AHRR: variants seen among roughly 807,000 people sequenced by gnomAD.
AHRR encodes ahR repressor.
AHRR carries 28 observed loss-of-function variants against 44.0 expected under a neutral mutation model. The ratio of observed to expected loss-of-function variants is 0.64; its 90% confidence interval spans 0.47 to 0.87. AHRR has a LOEUF of 0.87. Ranked by LOEUF, AHRR falls within the 40% of genes least tolerant of loss-of-function variation. The pLI, the probability that AHRR is intolerant of heterozygous loss-of-function variation, is 0.00. For missense variants in AHRR, 990 were observed against 953.9 expected (o/e 1.04, Z -0.50); for synonymous variants, 434 against 407.0 (o/e 1.07, Z -0.80).
intron 3 of AHRR, among the ~76,000 whole-genome samples, chr5:369,778 T>C (rs903998392): frequency 9.2e-5 from 14 of 152,230 alleles, no homozygotes; most frequent in Admixed American, 2.6e-4. Context: ...CAAATACCAT[T>C]TGTGGCCATC....
At position 437,406 on chromosome 5, in the gene AHRR, G is replaced by C. The variant is rs1028053249; in HGVS notation, c.*2572G>C. 13 of 152,492 alleles carry C rather than the reference G, an allele frequency of 8.5e-5. No homozygotes were observed. Among genetic ancestry groups the C allele is most frequent in the Admixed American group, 6.5e-4 (10 of 15,310 alleles). The allele number at this position is 152,492 out of a possible 1,614,324, so 9.4% of individuals were successfully genotyped here. ...GGAGGGCAGGGAGCTCAGTGACTGA[G>C]AGTCTTGTGTATCACATGTCTTGAG... On this transcript the variant is annotated 3_prime_UTR_variant, in exon 11 of 11. Transcript: ENST00000684583.
intron 7 of AHRR, 61 bp from the exon 8 acceptor site, chr5:427,746 T>C: frequency 1.2e-6 from 2 of 1,612,254 alleles, no homozygotes; most frequent in Non-Finnish European, 1.7e-6. Flanking sequence ...TTCTGTGTCC[T>C]GTGACCACCT....
chr5:392,798 C>T (rs1734528444), intron 4 of AHRR, among the ~76,000 whole-genome samples: 1 of 152,140 alleles, frequency 6.6e-6, no homozygotes, highest in African/African-American at 2.4e-5. Flanking sequence ...TTCATCAGGC[C>T]TTACCGCGAC....
In AHRR at chr5:421,987, C is replaced by T. The variant is rs190672505; in HGVS notation, c.442-742C>T. 1.3e-3 allele frequency among the ~76,000 whole-genome samples: 192 copies of T among 152,290 alleles called. 12 individuals are homozygous for T. The East Asian group carries it at 0.019, about 15-fold the overall frequency. Reference sequence around the variant, plus strand: ...CCTAAGGTTCTAGCAGTCCCTGGCACGGTTAATTATTCGGGGCTGGCGGGT... The same window carrying T: ...CCTAAGGTTCTAGCAGTCCCTGGCATGGTTAATTATTCGGGGCTGGCGGGT... On this transcript the variant is annotated intron_variant, in intron 5 of 10. Transcript: ENST00000684583.
chr5:375,159 GCTGGAGA>G (rs994918377), intron 3 of AHRR, among the ~76,000 whole-genome samples: 5 of 152,370 alleles, frequency 3.3e-5, no homozygotes, highest in East Asian at 1.9e-4. Flanking sequence ...TGCCCCTGGG[GCTGGAGA>G]CTGGGAGTCC....
At chr5:401,860 CAGGT>C (rs368302387) in intron 4 of AHRR, among the ~76,000 whole-genome samples, 3 of 152,300 alleles carry the variant, frequency 2.0e-5, no homozygotes, top group East Asian at 1.9e-4. Flanking sequence ...CCTCCGTTGA[CAGGT>C]GGGTGGGTTA....
In AHRR at chr5:395,280, A is replaced by G. The variant is rs1301720152; in HGVS notation, c.352-18064A>G. ...TGACACTGGTGCGGAATGCAGACAGAGGGGGCCTGGGAGACACGAGCCCCG... is the reference window on the plus strand; with the variant it reads ...TGACACTGGTGCGGAATGCAGACAGGGGGGGCCTGGGAGACACGAGCCCCG... On this transcript the variant is annotated intron_variant, in intron 4 of 10. Transcript: ENST00000684583. The surrounding 1 kb of genome is among the most constrained non-coding windows in gnomAD (Gnocchi z 5.3). Among the ~76,000 whole-genome samples, 1 of 152,146 alleles carries G rather than the reference A, an allele frequency of 6.6e-6. No individual in the cohort carries two copies. Among genetic ancestry groups the G allele is most frequent in the Admixed American group, 6.5e-5 (1 of 15,276 alleles).
At chr5:343,808 A>T in intron 1 of AHRR, 85 bp from the exon 2 acceptor site, 1 of 1,421,634 alleles carries the variant, frequency 7.0e-7, no homozygotes, top group Non-Finnish European at 9.5e-7. Context: ...GGGCGCCAGG[A>T]CCGCGCTGAG....
chr5:377,568 C>T (rs1210817795), intron 4 of AHRR, among the ~76,000 whole-genome samples: 1 of 152,220 alleles, frequency 6.6e-6, no homozygotes, highest in African/African-American at 2.4e-5. Flanking sequence ...TGGTGGCAGG[C>T]TGCCCCACAG....
At chr5:430,154 T>C (rs1736658201) in intron 8 of AHRR, among the ~76,000 whole-genome samples, 1 of 152,260 alleles carries the variant, frequency 6.6e-6, no homozygotes, top group African/African-American at 2.4e-5. Context: ...GGTCCGACTT[T>C]GAATTCTAGC....
intron 5 of AHRR, among the ~76,000 whole-genome samples, chr5:421,618 C>T (rs1050233417): frequency 6.6e-6 from 1 of 152,190 alleles, no homozygotes; most frequent in African/African-American, 2.4e-5. Context: ...GGGATGCTGG[C>T]GCCGCCCTTT....
At chr5:392,877 T>A (rs888958309) in intron 4 of AHRR, among the ~76,000 whole-genome samples, 1 of 152,022 alleles carries the variant, frequency 6.6e-6, no homozygotes, top group Non-Finnish European at 1.5e-5. Flanking sequence ...GTCTCCCCCA[T>A]GCCTTCATTT....
chr5:347,383 T>G (rs902356362), intron 2 of AHRR, among the ~76,000 whole-genome samples: 1 of 152,248 alleles, frequency 6.6e-6, no homozygotes, highest in African/African-American at 2.4e-5. Context: ...TTTGTCGATC[T>G]TTACTTTTGT....
At chr5:415,178 C>G (rs149945494) in intron 5 of AHRR, among the ~76,000 whole-genome samples, 1 of 152,270 alleles carries the variant, frequency 6.6e-6, no homozygotes, top group Non-Finnish European at 1.5e-5. Context: ...GGGTGCACAC[C>G]GGCCCCAGGG....
chr5:404,240 A>C lies in AHRR; in HGVS notation c.352-9104A>C. ...CTCGCTCATCCATGAGTCTAATCACATCTGCTCCATGCATGTTCCCAAATC... is the reference window on the plus strand; with the variant it reads ...CTCGCTCATCCATGAGTCTAATCACCTCTGCTCCATGCATGTTCCCAAATC... On this transcript the variant is annotated intron_variant, in intron 4 of 10. Transcript: ENST00000684583. The surrounding 1 kb of genome is among the most constrained non-coding windows in gnomAD (Gnocchi z 4.1). The C allele has an allele frequency of 1.9e-6, 1 of 514,764 alleles. No individual in the cohort carries two copies. The highest frequency in any genetic ancestry group is 3.8e-6 in the Non-Finnish European group (1 of 259,830). The allele number at this position is 514,764 out of a possible 1,614,324, so 31.9% of individuals were successfully genotyped here. A position where few individuals can be genotyped will look rare whatever the true frequency, so the allele number is the denominator to read the frequency against.
intron 4 of AHRR, among the ~76,000 whole-genome samples, chr5:410,925 A>G (rs1735445783): frequency 6.6e-6 from 1 of 151,904 alleles, no homozygotes; most frequent in Non-Finnish European, 1.5e-5. Context: ...TAATGTATTG[A>G]CTATCACTTT....
Position 321,902 on chromosome 5 carries a change from A to C in AHRR, c.-11+83A>C, listed in dbSNP as rs1741506717. ...GGATGCGCTCCCGGGTGTGGGGCTG[A>C]GGGACGGGCGCCGGCGTCGGGACCC... On this transcript the variant is annotated intron_variant, in intron 1 of 10. Coordinates refer to ENST00000684583, the MANE Select transcript of AHRR (RefSeq NM_001377236.1). The surrounding 1 kb of genome is among the most constrained non-coding windows in gnomAD (Gnocchi z 8.3). The C allele has an allele frequency of 1.3e-5, 2 of 151,758 alleles. No homozygotes were observed. The highest frequency in any genetic ancestry group is 1.3e-4 in the Admixed American group (2 of 15,260). The allele number at this position is 151,758 out of a possible 1,614,324, so 9.4% of individuals were successfully genotyped here.
chr5:363,153 G>GC (rs890247843), intron 3 of AHRR, among the ~76,000 whole-genome samples: 1 of 152,210 alleles, frequency 6.6e-6, no homozygotes, highest in Non-Finnish European at 1.5e-5. Flanking sequence ...GCTGGCTGCT[G>GC]CCCCCTGGGT....
chr5:362,747 C>T (rs982282238), intron 3 of AHRR, among the ~76,000 whole-genome samples: 4 of 152,184 alleles, frequency 2.6e-5, no homozygotes, highest in Non-Finnish European at 4.4e-5. Context: ...TTTACTTTTC[C>T]TACCTCTTTT....
Sources: allele counts gnomAD v4.1 joint callset (sites outside exome capture counted in the v4.1 genomes callset), GRCh38; gene constraint gnomAD v4.1.1; non-coding constraint Gnocchi (gnomAD v3.1); transcripts MANE v1.5; gene names NCBI Gene and HGNC (gene_info 2026-07-23, HGNC 2026-07-21).